The following ADGRG6 variants were observed in gnomAD, a reference collection of about 807,000 sequenced individuals.
The protein encoded by ADGRG6 is adhesion G protein-coupled receptor G6.
A neutral mutation model predicts 142.4 loss-of-function variants in ADGRG6; 84 were observed. The ratio of observed to expected loss-of-function variants is 0.59; its 90% CI spans 0.49 to 0.71. The LOEUF is 0.71. ADGRG6 is among the 30% of genes least tolerant of loss of function. The probability of loss-of-function intolerance (pLI) is 0.00; values close to 1 mark genes in which losing one functional copy is unlikely to be tolerated. For missense variants in ADGRG6, 1,367 were observed against 1,466.6 expected, an observed-to-expected ratio of 0.93 and a Z score of 1.11; for synonymous variants, 521 against 520.5, an observed-to-expected ratio of 1.00 and a Z score of -0.01.
intron 2 of ADGRG6, among the ~76,000 whole-genome samples, chr6:142,319,290 A>G (rs1015918343): frequency 6.6e-6 from 1 of 152,166 alleles, no homozygotes; most frequent in African/African-American, 2.4e-5. Flanking sequence ...CTTTGTCTTT[A>G]TAACTATCGC....
At chr6:142,440,888 T>C (rs187161008) in intron 24 of ADGRG6, 6 of 1,265,224 alleles carry the variant, frequency 4.7e-6, no homozygotes, top group Admixed American at 4.9e-5. Context: ...GATCTAGATA[T>C]TCATATGTTT....
chr6:142,379,187 C>T (rs1328116841), intron 4 of ADGRG6, among the ~76,000 whole-genome samples: 1 of 152,168 alleles, frequency 6.6e-6, no homozygotes, highest in African/African-American at 2.4e-5. Context: ...TTTATTAGAT[C>T]GATATGTACC....
chr6:142,382,004 G>C lies in ADGRG6; in HGVS notation c.1123G>C (p.Gly375Arg). 1.2e-6 allele frequency: 2 copies of C among 1,602,292 alleles called. No individual in the cohort carries two copies. The highest frequency in any genetic ancestry group is 2.2e-5 in the South Asian group (2 of 89,420). ...AGAACTGGCCAGCTGTGCAGACCTG[G>C]GGACCCTCTGTCAAGGTAGGGAGCC... ...AAELASCADL[G>R]TLCQATVNSP... Residue 375 changes from glycine (G) to arginine (R), a missense_variant, in exon 5 of 25, where the codon GGG (glycine) becomes CGG (arginine). Physicochemically the swap from Gly to Arg is moderately radical, Grantham distance 125. Transcript: ENST00000367609.
chr6:142,411,165 C>G, intron 17 of ADGRG6, 140 bp from the exon 18 acceptor site: 1 of 539,306 alleles, frequency 1.9e-6, no homozygotes. Flanking sequence ...GCATTGAAAA[C>G]TTTCATAATG....
At chr6:142,317,748 A>T (rs1236867643) in intron 2 of ADGRG6, among the ~76,000 whole-genome samples, 1 of 108,464 alleles carries the variant, frequency 9.2e-6, no homozygotes, top group African/African-American at 3.6e-5. Flanking sequence ...TATATAATAT[A>T]TATTTATATT....
intron 10 of ADGRG6, among the ~76,000 whole-genome samples, chr6:142,398,188 A>T (rs1465492917): frequency 1.3e-5 from 2 of 152,170 alleles, no homozygotes; most frequent in Non-Finnish European, 2.9e-5. Context: ...GCACTTTGGG[A>T]GGCCAAGGTG....
In ADGRG6 at chr6:142,428,171, G is replaced by A. The variant is rs1009906282; in HGVS notation, c.3319+8067G>A. ...ACACATATACATGTGTAATTATATGGGTACTCACATAAATTTGAAGAGTCT... is the reference window on the plus strand; with the variant it reads ...ACACATATACATGTGTAATTATATGAGTACTCACATAAATTTGAAGAGTCT... On this transcript the variant is annotated intron_variant, in intron 22 of 24. Coordinates refer to ENST00000367609, the MANE Select transcript of ADGRG6 (RefSeq NM_198569.3). Among the ~76,000 whole-genome samples the A allele has an allele frequency of 8.5e-4, 129 of 151,882 alleles. 3 individuals carry two copies. Among genetic ancestry groups the A allele is most frequent in the Middle Eastern group, 6.8e-3 (2 of 294 alleles).
chr6:142,421,851 CATTTA>C (rs1776666780), intron 22 of ADGRG6, among the ~76,000 whole-genome samples: 2 of 152,190 alleles, frequency 1.3e-5, no homozygotes, highest in Admixed American at 1.3e-4. Flanking sequence ...GATTTCAGCA[CATTTA>C]ATTATATTAA....
chr6:142,375,556 A>G (rs1222051200), intron 4 of ADGRG6, among the ~76,000 whole-genome samples: 1 of 152,204 alleles, frequency 6.6e-6, no homozygotes, highest in Non-Finnish European at 1.5e-5. Context: ...CAAATCTTTG[A>G]TAAGTGTACC....
chr6:142,346,074 A>G (rs1383932756), intron 2 of ADGRG6, among the ~76,000 whole-genome samples: 1 of 152,126 alleles, frequency 6.6e-6, no homozygotes, highest in Non-Finnish European at 1.5e-5. Context: ...GGGTTAGGAT[A>G]GTGGGCTGCC....
chr6:142,327,853 T>A (rs1297309107), intron 2 of ADGRG6, among the ~76,000 whole-genome samples: 5 of 152,166 alleles, frequency 3.3e-5, no homozygotes, highest in Admixed American at 2.6e-4. Context: ...TCCTACATTT[T>A]GAGATTAAAT....
intron 2 of ADGRG6, among the ~76,000 whole-genome samples, chr6:142,362,452 G>A (rs77256245): frequency 0.012 from 1,799 of 152,246 alleles, 39 homozygotes; most frequent in African/African-American, 0.04. Context: ...GTAGGGGATT[G>A]GAATGACCAA....
chr6:142,381,226 T>C (rs1419640392), intron 4 of ADGRG6, among the ~76,000 whole-genome samples: 1 of 152,206 alleles, frequency 6.6e-6, no homozygotes, highest in Non-Finnish European at 1.5e-5. Flanking sequence ...TAAAATATCG[T>C]GCATATTATA....
chr6:142,396,488 A>G (rs1337000126), intron 9 of ADGRG6, among the ~76,000 whole-genome samples: 1 of 152,194 alleles, frequency 6.6e-6, no homozygotes, highest in Non-Finnish European at 1.5e-5. Flanking sequence ...AGCCTTGAAT[A>G]GCAAATATTT....
chr6:142,307,413 T>C (rs1777552916), intron 1 of ADGRG6, among the ~76,000 whole-genome samples: 1 of 152,054 alleles, frequency 6.6e-6, no homozygotes, highest in Non-Finnish European at 1.5e-5. Context: ...TCTTTGAATA[T>C]GTAATTGTGC....
At chr6:142,440,860 G>T (rs1287335314) in intron 24 of ADGRG6, 2 of 907,654 alleles carry the variant, frequency 2.2e-6, no homozygotes, top group Non-Finnish European at 3.4e-6. Context: ...ATATCTAGCT[G>T]GTTCATTTCT....
chr6:142,436,630 TA>T (rs1243816558), intron 22 of ADGRG6, among the ~76,000 whole-genome samples: 3 of 152,110 alleles, frequency 2.0e-5, no homozygotes, highest in South Asian at 2.1e-4. Flanking sequence ...TGTTTGTTCT[TA>T]AAAAAAGTGT....
At chr6:142,405,425 T>A (rs1197280505) in intron 14 of ADGRG6, 2 of 558,030 alleles carry the variant, frequency 3.6e-6, no homozygotes. Flanking sequence ...AAATGTTGAC[T>A]GATTTATAGA....
intron 2 of ADGRG6, among the ~76,000 whole-genome samples, chr6:142,353,344 C>T: frequency 6.6e-6 from 1 of 152,156 alleles, no homozygotes; most frequent in Non-Finnish European, 1.5e-5. Flanking sequence ...TGATGTTATT[C>T]TAATTATGTT....
Sources: gnomAD v4.1 joint callset for allele counts (sites outside exome capture counted in the v4.1 genomes callset) on GRCh38, gnomAD v4.1.1 for gene constraint, MANE v1.5 for transcripts, NCBI Gene and HGNC (gene_info 2026-07-23, HGNC 2026-07-21) for gene names.